MOXD1: variants seen among roughly 807,000 people sequenced by gnomAD.
The protein encoded by MOXD1 is monooxygenase DBH like 1, also known as DBH-like monooxygenase protein 1.
In MOXD1, 62 loss-of-function variants were observed where a neutral mutation model predicts 66.6. The ratio of observed to expected loss-of-function variants is 0.93; its 90% CI spans 0.76 to 1.15. The LOEUF (loss-of-function observed/expected upper bound fraction) is 1.15. MOXD1 is among the 50% of genes most tolerant of loss of function. The probability of loss-of-function intolerance (pLI) is 0.00; values close to 1 mark genes in which losing one functional copy is unlikely to be tolerated. For missense variants in MOXD1, 847 were observed against 754.6 expected, an observed-to-expected ratio of 1.12 and a Z score of -1.44; for synonymous variants, 303 against 281.9, an observed-to-expected ratio of 1.07 and a Z score of -0.75.
intron 4 of MOXD1, among the ~76,000 whole-genome samples, chr6:132,343,587 T>G (rs1775607682): frequency 6.7e-6 from 1 of 149,940 alleles, no homozygotes; most frequent in Admixed American, 6.6e-5. Context: ...AAAAAAAAAG[T>G]CCATGGAAAA....
At chr6:132,376,501 CTTTTTTT>C (rs1166086289) in intron 1 of MOXD1, among the ~76,000 whole-genome samples, 2 of 65,382 alleles carry the variant, frequency 3.1e-5, no homozygotes, top group African/African-American at 1.5e-4. Context: ...ACTACAGCTT[CTTTTTTT>C]TTTTTTTTTT....
intron 6 of MOXD1, among the ~76,000 whole-genome samples, chr6:132,324,407 C>T (rs1043376364): frequency 6.6e-6 from 1 of 152,056 alleles, no homozygotes; most frequent in African/African-American, 2.4e-5. Context: ...AACATGAAGA[C>T]AGAATGAAGA....
chr6:132,299,426 A>G (rs915803202), intron 10 of MOXD1, among the ~76,000 whole-genome samples: 5 of 152,162 alleles, frequency 3.3e-5, no homozygotes, highest in Admixed American at 1.3e-4. Flanking sequence ...TGAACCTAAA[A>G]TAAAAGTTGA....
Position 132,354,171 on chromosome 6 carries a change from T to C in MOXD1, c.663+18437A>G, listed in dbSNP as rs562984071. ...CTTCAGGTTAATCAGGGATTTCTTCTTGGTTTGGATCGATTGCTGGTGAGC... is the reference window on the plus strand; with the variant it reads ...CTTCAGGTTAATCAGGGATTTCTTCCTGGTTTGGATCGATTGCTGGTGAGC... On this transcript the variant is annotated intron_variant, in intron 4 of 11. Transcript: ENST00000367963. 7.2e-5 allele frequency among the ~76,000 whole-genome samples: 11 copies of C among 152,328 alleles called. No homozygotes were observed. In the East Asian group the frequency reaches 1.7e-3, roughly 24 times the overall value.
intron 1 of MOXD1, among the ~76,000 whole-genome samples, chr6:132,386,126 G>A (rs1776630092): frequency 7.5e-6 from 1 of 133,238 alleles, no homozygotes; most frequent in Admixed American, 8.3e-5. Flanking sequence ...GAAAAGGCCA[G>A]GCGCGGTGGC....
rs144225847 is a variant in MOXD1 at position 132,315,609 on chromosome 6, C to T, written c.1508+26G>A. 6.9e-4 allele frequency: 1,103 copies of T among 1,592,152 alleles called. 1 individual carries two copies. The highest frequency in any genetic ancestry group is 8.3e-4 in the Non-Finnish European group (966 of 1,170,424). ...CATCTTTCTCTGAAATACGTTACCC[C>T]ATCATAAAATACATTTACTACTTAC... is the stretch of plus-strand genomic sequence containing the variant. On this transcript the variant is annotated intron_variant, in intron 10 of 11. Transcript: ENST00000367963.
intron 9 of MOXD1, 78 bp from the exon 10 acceptor site, chr6:132,315,855 A>G: frequency 1.4e-6 from 2 of 1,404,302 alleles, no homozygotes; most frequent in African/African-American, 1.5e-5. Context: ...CATTAATGTC[A>G]TACAGTTCCT....
intron 2 of MOXD1, 96 bp downstream of exon 2, chr6:132,374,535 A>G: frequency 1.9e-6 from 2 of 1,070,046 alleles, no homozygotes; most frequent in African/African-American, 3.2e-5. Flanking sequence ...ATATTAGAAA[A>G]AAGACTATAT....
rs1019480373 is a variant in MOXD1 at position 132,296,887 on chromosome 6, A to G, written c.*266T>C. The G allele has an allele frequency of 1.8e-5, 5 of 278,296 alleles. No individual in the cohort carries two copies. The highest frequency in any genetic ancestry group is 3.3e-5 in the Non-Finnish European group (5 of 149,758). The allele number at this position is 278,296 out of a possible 1,614,324, so 17.2% of individuals were successfully genotyped here. A position where few individuals can be genotyped will look rare whatever the true frequency, so the allele number is the denominator to read the frequency against. On this transcript the variant is annotated 3_prime_UTR_variant, in exon 12 of 12. Transcript: ENST00000367963. Reference sequence around the variant, plus strand: ...GAAAGAATTCTTTTATTCCCACATGACAGCCCAATTTTTTAAAATGGTTAT... The same window carrying G: ...GAAAGAATTCTTTTATTCCCACATGGCAGCCCAATTTTTTAAAATGGTTAT...
chr6:132,332,185 G>A (rs1271008936), intron 4 of MOXD1, among the ~76,000 whole-genome samples: 3 of 152,184 alleles, frequency 2.0e-5, no homozygotes, highest in African/African-American at 7.2e-5. Flanking sequence ...GCTTCAAGAA[G>A]AATTAAACTG....
intron 1 of MOXD1, among the ~76,000 whole-genome samples, chr6:132,386,447 A>G (rs9493299): frequency 7.7e-6 from 1 of 130,300 alleles, no homozygotes; most frequent in Non-Finnish European, 1.6e-5. Flanking sequence ...AAAAAAAAAC[A>G]AAAAAAAAAC....
intron 10 of MOXD1, among the ~76,000 whole-genome samples, chr6:132,310,247 C>G (rs1774798253): frequency 6.6e-6 from 1 of 151,956 alleles, no homozygotes; most frequent in African/African-American, 2.4e-5. Context: ...TATGAAAAAA[C>G]TCAACATCAC....
chr6:132,378,592 T>C (rs1261006749), intron 1 of MOXD1, among the ~76,000 whole-genome samples: 4 of 152,192 alleles, frequency 2.6e-5, no homozygotes, highest in Non-Finnish European at 4.4e-5. Flanking sequence ...CAATAGATCC[T>C]ACAGACACTA....
intron 6 of MOXD1, among the ~76,000 whole-genome samples, chr6:132,325,754 G>A (rs534712518): frequency 6.0e-4 from 91 of 152,316 alleles, no homozygotes; most frequent in East Asian, 3.5e-3. Context: ...TACCTCATAA[G>A]TGTGATGTGT....
In MOXD1 at chr6:132,373,006, C is replaced by T; in HGVS notation, c.412-9G>A. On this transcript the variant is annotated splice_polypyrimidine_tract_variant and intron_variant, in intron 2 of 11. Coordinates refer to ENST00000367963, the MANE Select transcript of MOXD1 (RefSeq NM_015529.4). ...ACTCTCACAGTGCTATCCTGGGGAT[C>T]AGACATGGGCATGATTAGGTCTCAT... 1 of 1,604,594 alleles carries T rather than the reference C, an allele frequency of 6.2e-7. No homozygotes were observed.
intron 4 of MOXD1, among the ~76,000 whole-genome samples, chr6:132,371,779 T>A (rs1052030224): frequency 6.6e-6 from 1 of 152,140 alleles, no homozygotes; most frequent in East Asian, 1.9e-4. Context: ...TCATTCCTTA[T>A]CCACATCGCT....
Position 132,401,186 on chromosome 6 carries a change from C to T in MOXD1, c.241G>A (p.Ala81Thr), listed in dbSNP as rs1267246269. 1.9e-6 allele frequency: 3 copies of T among 1,538,706 alleles called. No individual in the cohort carries two copies. The highest frequency in any genetic ancestry group is 1.9e-5 in the Admixed American group (1 of 52,254). Reference protein sequence around the residue: ...ASADIVVGGVAHGRPYLQDYF... With the variant: ...ASADIVVGGVTHGRPYLQDYF... Reference sequence around the variant, plus strand: ...ACCTGGAGGTAGGGCCGCCCGTGGGCCACCCCGCCCACGACGATGTCGGCG... The same window carrying T: ...ACCTGGAGGTAGGGCCGCCCGTGGGTCACCCCGCCCACGACGATGTCGGCG... Residue 81 changes from alanine (A) to threonine (T), a missense_variant, in exon 1 of 12, where the codon GCC becomes ACC. Ala to Thr is a moderately conservative substitution (Grantham distance 58). Coordinates refer to ENST00000367963, the MANE Select transcript of MOXD1 (RefSeq NM_015529.4).
intron 11 of MOXD1, 88 bp downstream of exon 11, chr6:132,297,698 TA>T: frequency 6.9e-7 from 1 of 1,441,618 alleles, no homozygotes; most frequent in South Asian, 1.5e-5. Context: ...CCCCTGGATT[TA>T]TGGATATTTG....
At chr6:132,372,510 GA>G in intron 4 of MOXD1, 97 bp downstream of exon 4, 2 of 1,162,724 alleles carry the variant, frequency 1.7e-6, no homozygotes, top group Non-Finnish European at 2.4e-6. Flanking sequence ...TCAAATAATT[GA>G]AAAACATTTC....
Sources: gnomAD v4.1 joint callset for allele counts (sites outside exome capture counted in the v4.1 genomes callset) on GRCh38, gnomAD v4.1.1 for gene constraint, MANE v1.5 for transcripts, NCBI Gene and HGNC (gene_info 2026-07-23, HGNC 2026-07-21) for gene names.